CCR2: variants seen among roughly 807,000 people sequenced by gnomAD.
CCR2 encodes C-C chemokine receptor type 2.
For missense variants in CCR2, 408 were observed against 440.0 expected (o/e 0.93, Z 0.65); for synonymous variants, 183 against 177.1 (o/e 1.03, Z -0.27).
chr3:46,360,290 A>T lies in CCR2; in HGVS notation c.*1680A>T, dbSNP rs1701529231. 5.1e-6 allele frequency: 1 copy of T among 195,078 alleles called. No homozygotes were observed. 12.1% of individuals were successfully genotyped at this position (195,078 alleles called of 1,614,324 possible). On this transcript the variant is annotated 3_prime_UTR_variant, in exon 2 of 2. Transcript: ENST00000445132. Reference sequence around the variant, plus strand: ...GAAGTGTGTGATCTGTGGGCACATTAGCCTATGTGCATGCAGCATCTAAGT... The same window carrying T: ...GAAGTGTGTGATCTGTGGGCACATTTGCCTATGTGCATGCAGCATCTAAGT...
In CCR2 at chr3:46,359,622, T is replaced by G; in HGVS notation, c.*1012T>G. 2.6e-6 allele frequency: 4 copies of G among 1,543,644 alleles called. No homozygotes were observed. The South Asian group carries it at 3.7e-5, about 14-fold the overall frequency. The stretch of plus-strand genomic sequence containing the variant: ...TGTCTGGATCTGAGCTGGTTTGTTT[T>G]GTGCTTGCTTTTCCCTGCCTTGCCA... On this transcript the variant is annotated 3_prime_UTR_variant, in exon 2 of 2. Transcript: ENST00000445132.
Position 46,360,398 on chromosome 3 carries a change from G to A in CCR2, c.*1788G>A, listed in dbSNP as rs1559563493. On this transcript the variant is annotated 3_prime_UTR_variant, in exon 2 of 2. Coordinates refer to ENST00000445132, the MANE Select transcript of CCR2 (RefSeq NM_001123396.4). ...CATTCTCTCAGGCTTGCTGCCAAAA[G>A]CCTTTTGTGTTTTGTTTTGTATCAT... The A allele has an allele frequency of 1.3e-5, 2 of 153,212 alleles. No individual in the cohort carries two copies. Among genetic ancestry groups the A allele is most frequent in the Admixed American group, 6.5e-5 (1 of 15,346 alleles). The allele number at this position is 153,212 out of a possible 1,614,324, so 9.5% of individuals were successfully genotyped here.
rs201670838 is a variant in CCR2, at chr3:46,358,142, G to A, written c.615G>A (p.Met205Ile). 1.3e-4 allele frequency: 210 copies of A among 1,614,138 alleles called. No individual in the cohort carries two copies. The highest frequency in any genetic ancestry group is 1.7e-4 in the Non-Finnish European group (204 of 1,180,000). The change falls in exon 2 of 2, where the codon ATG becomes ATA. Residue 205 changes from methionine to isoleucine, a missense_variant. Coordinates refer to ENST00000445132, the MANE Select transcript of CCR2 (RefSeq NM_001123396.4). ...GATGGAATAATTTCCACACAATAATGAGGAACATTTTGGGGCTGGTCCTGC... is the reference window on the plus strand; with the variant it reads ...GATGGAATAATTTCCACACAATAATAAGGAACATTTTGGGGCTGGTCCTGC... ...PRGWNNFHTI[M>I]RNILGLVLPL...
intron 1 of CCR2, 30 bp from the exon 2 acceptor site, chr3:46,357,447 T>C: frequency 6.9e-7 from 1 of 1,443,308 alleles, no homozygotes; most frequent in South Asian, 1.3e-5. Flanking sequence ...GTTTGTGTTG[T>C]GTGGTCATCA....
intron 1 of CCR2, among the ~76,000 whole-genome samples, chr3:46,355,632 C>T (rs1701438520): frequency 6.6e-6 from 1 of 152,088 alleles, no homozygotes; most frequent in Non-Finnish European, 1.5e-5. Flanking sequence ...GGAAAGACTA[C>T]AACAAAGCCA....
At position 46,357,781 on chromosome 3, in the gene CCR2, C is replaced by A; in HGVS notation, c.254C>A (p.Ala85Asp). The change falls in exon 2 of 2, where the codon GCC becomes GAC. Residue 85 changes from alanine to aspartate, a missense_variant. By Grantham distance (126) the Ala-to-Asp change is moderately radical (BLOSUM62 -2). Coordinates refer to ENST00000445132, the MANE Select transcript of CCR2 (RefSeq NM_001123396.4). ...ACTGACATTTACCTGCTCAACCTGG[C>A]CATCTCTGATCTGCTTTTTCTTATT... ...CLTDIYLLNL[A>D]ISDLLFLITL... 6.2e-7 allele frequency: 1 copy of A among 1,614,184 alleles called. No homozygotes were observed. The highest frequency in any genetic ancestry group is 8.5e-7 in the Non-Finnish European group (1 of 1,180,028).
Position 46,358,619 on chromosome 3 carries a change from G to A in CCR2, c.*9G>A. The A allele has an allele frequency of 2.6e-6, 4 of 1,558,350 alleles. No homozygotes were observed. Among genetic ancestry groups the A allele is most frequent in the Admixed American group, 1.9e-5 (1 of 51,286 alleles). ...TCTCGGCTGGTTTATAAAACGAGGAGCAGTTTGATTGTTGTTTATAAAGGG... is the reference window on the plus strand; with the variant it reads ...TCTCGGCTGGTTTATAAAACGAGGAACAGTTTGATTGTTGTTTATAAAGGG... On this transcript the variant is annotated 3_prime_UTR_variant, in exon 2 of 2. Transcript: ENST00000445132.
At chr3:46,356,660 T>C (rs1223013734) in intron 1 of CCR2, among the ~76,000 whole-genome samples, 1 of 151,980 alleles carries the variant, frequency 6.6e-6, no homozygotes, top group Non-Finnish European at 1.5e-5. Flanking sequence ...CAGGGGCTTG[T>C]TTTTCTCCCA....
chr3:46,359,840 C>T lies in CCR2; in HGVS notation c.*1230C>T, dbSNP rs752458602. ...TGGCAGAGCCCCTGAAGCCAGTCTT[C>T]AGGACAAAGAAGGAGCCTAGAGACA... On this transcript the variant is annotated 3_prime_UTR_variant, in exon 2 of 2. Coordinates refer to ENST00000445132, the MANE Select transcript of CCR2 (RefSeq NM_001123396.4). The T allele has an allele frequency of 6.2e-7, 1 of 1,613,954 alleles. No homozygotes were observed. Among genetic ancestry groups the T allele is most frequent in the East Asian group, 2.2e-5 (1 of 44,862 alleles).
chr3:46,357,755 G>A lies in CCR2; in HGVS notation c.228G>A (p.Leu76=). ...TAAACTGCAAAAAGCTGAAGTGCTT[G>A]ACTGACATTTACCTGCTCAACCTGG... The part of the protein sequence containing the change: ...ILINCKKLKC[L]TDIYLLNLAI... Residue 76 remains leucine (L), a synonymous_variant, in exon 2 of 2, where the codon TTG becomes TTA. Coordinates refer to ENST00000445132, the MANE Select transcript of CCR2 (RefSeq NM_001123396.4). 6.2e-7 allele frequency: 1 copy of A among 1,614,182 alleles called. No homozygotes were observed. The highest frequency in any genetic ancestry group is 1.1e-5 in the South Asian group (1 of 91,088).
At position 46,360,430 on chromosome 3, in the gene CCR2, G is replaced by C. The variant is rs572184287; in HGVS notation, c.*1820G>C. On this transcript the variant is annotated 3_prime_UTR_variant, in exon 2 of 2. Coordinates refer to ENST00000445132, the MANE Select transcript of CCR2 (RefSeq NM_001123396.4). Reference sequence around the variant, plus strand: ...GTGTTTTGTTTTGTATCATTATGAAGTCATGCGTTTAATCACATTCGAGTG... The same window carrying C: ...GTGTTTTGTTTTGTATCATTATGAACTCATGCGTTTAATCACATTCGAGTG... 1 of 152,700 alleles carries C rather than the reference G, an allele frequency of 6.5e-6. No individual in the cohort carries two copies. The highest frequency in any genetic ancestry group is 1.5e-5 in the Non-Finnish European group (1 of 68,416). The allele number at this position is 152,700 out of a possible 1,614,324, so 9.5% of individuals were successfully genotyped here.
At position 46,357,805 on chromosome 3, in the gene CCR2, T is replaced by C. The variant is rs752368994; in HGVS notation, c.278T>C (p.Ile93Thr). The change falls in exon 2 of 2, where the codon ATT (isoleucine) becomes ACT (threonine). Residue 93 changes from isoleucine to threonine, a missense_variant. By Grantham distance (89) the Ile-to-Thr change is moderately conservative. Transcript: ENST00000445132. ...NLAISDLLFL[I>T]TLPLWAHSAA... ...GCCATCTCTGATCTGCTTTTTCTTATTACTCTCCCATTGTGGGCTCACTCT... is the reference window on the plus strand; with the variant it reads ...GCCATCTCTGATCTGCTTTTTCTTACTACTCTCCCATTGTGGGCTCACTCT... 8 of 1,614,092 alleles carry C rather than the reference T, an allele frequency of 5.0e-6. No homozygotes were observed. The highest frequency in any genetic ancestry group is 2.2e-5 in the East Asian group (1 of 44,896).
Position 46,359,657 on chromosome 3 carries a change from C to T in CCR2, c.*1047C>T. 6.2e-7 allele frequency: 1 copy of T among 1,602,268 alleles called. No homozygotes were observed. Among genetic ancestry groups the T allele is most frequent in the South Asian group, 1.1e-5 (1 of 89,054 alleles). Reference sequence around the variant, plus strand: ...TTTCCCTGCCTTGCCACTCCCCTCACTCTTCTCTTTTCCCCACAGCCTTTT... The same window carrying T: ...TTTCCCTGCCTTGCCACTCCCCTCATTCTTCTCTTTTCCCCACAGCCTTTT... On this transcript the variant is annotated 3_prime_UTR_variant, in exon 2 of 2. Transcript: ENST00000445132.
Position 46,359,972 on chromosome 3 carries a change from G to A in CCR2, c.*1362G>A, listed in dbSNP as rs1479657863. 31 of 1,019,520 alleles carry A rather than the reference G, an allele frequency of 3.0e-5. No individual in the cohort carries two copies. The Admixed American group carries it at 8.4e-4, about 28-fold the overall frequency. The allele number at this position is 1,019,520 out of a possible 1,614,324, so 63.2% of individuals were successfully genotyped here. A position where few individuals can be genotyped will look rare whatever the true frequency, so the allele number is the denominator to read the frequency against. ...TTACCAGGCAGGAAGGCTGAGAGGA[G>A]AGAGACTCCAGCTGGGTTGGAAAAC... On this transcript the variant is annotated 3_prime_UTR_variant, in exon 2 of 2. Transcript: ENST00000445132.
At chr3:46,355,291 G>A (rs1701432043) in intron 1 of CCR2, among the ~76,000 whole-genome samples, 1 of 152,072 alleles carries the variant, frequency 6.6e-6, no homozygotes, top group African/African-American at 2.4e-5. Flanking sequence ...ATTGAAGGGT[G>A]AATAGAAGCT....
At chr3:46,357,034 CCATG>C (rs1701466285) in intron 1 of CCR2, among the ~76,000 whole-genome samples, 1 of 152,174 alleles carries the variant, frequency 6.6e-6, no homozygotes, top group South Asian at 2.1e-4. Context: ...ATTCATGGCA[CCATG>C]CCCTCACTAG....
In CCR2 at chr3:46,359,352, T is replaced by A. The variant is rs1701509902; in HGVS notation, c.*742T>A. On this transcript the variant is annotated 3_prime_UTR_variant, in exon 2 of 2. Coordinates refer to ENST00000445132, the MANE Select transcript of CCR2 (RefSeq NM_001123396.4). ...TAGGCCACATCCCCCTGTCTAAAAA[T>A]TCAGAAAATTTTTGTTTATAAAAGA... is the stretch of plus-strand genomic sequence containing the variant. 9.6e-7 allele frequency: 1 copy of A among 1,044,574 alleles called. No homozygotes were observed. Among genetic ancestry groups the A allele is most frequent in the Non-Finnish European group, 1.2e-6 (1 of 862,394 alleles). The allele number at this position is 1,044,574 out of a possible 1,614,324, so 64.7% of individuals were successfully genotyped here.
chr3:46,357,346 T>A, intron 1 of CCR2, 131 bp from the exon 2 acceptor site: 1 of 638,576 alleles, frequency 1.6e-6, no homozygotes, highest in Non-Finnish European at 2.7e-6. Flanking sequence ...CTGGCACACA[T>A]GCTTTCAGGG....
chr3:46,356,752 T>C (rs1388974629), intron 1 of CCR2, among the ~76,000 whole-genome samples: 2 of 152,058 alleles, frequency 1.3e-5, no homozygotes, highest in Non-Finnish European at 2.9e-5. Flanking sequence ...TCCCCATCTC[T>C]ACTAAAAATA....
Sources: gnomAD v4.1 joint callset for allele counts (sites outside exome capture counted in the v4.1 genomes callset) on GRCh38, gnomAD v4.1.1 for gene constraint, MANE v1.5 for transcripts, NCBI Gene and HGNC (gene_info 2026-07-23, HGNC 2026-07-21) for gene names.